The following VTI1A variants were observed in gnomAD, a reference collection of about 807,000 sequenced individuals.
VTI1A encodes the protein vesicle transport through interaction with t-SNAREs homolog 1A.
In VTI1A, 22 loss-of-function variants were observed where a neutral mutation model predicts 34.9. The observed-to-expected ratio is 0.63, with a 90% CI of 0.45 to 0.90. The LOEUF is 0.90. Ranked by LOEUF, VTI1A falls within the 40% of genes least tolerant of loss-of-function variation. The pLI, the probability that VTI1A is intolerant of heterozygous loss-of-function variation, is 0.00. For missense variants in VTI1A, 268 were observed against 275.6 expected (o/e 0.97, Z 0.20); for synonymous variants, 87 against 97.3 (o/e 0.89, Z 0.62).
chr10:112,646,129 T>C (rs1040386850), intron 5 of VTI1A, among the ~76,000 whole-genome samples: 1 of 152,136 alleles, frequency 6.6e-6, no homozygotes, highest in Non-Finnish European at 1.5e-5. Context: ...CAAATTTTGC[T>C]AGAAATACAA....
chr10:112,469,739 T>G (rs1358248890), intron 3 of VTI1A, among the ~76,000 whole-genome samples: 1 of 152,226 alleles, frequency 6.6e-6, no homozygotes, highest in African/African-American at 2.4e-5. Context: ...TACTCCCCAG[T>G]AGCTGTTCTC....
At chr10:112,768,543 C>T (rs1398896281) in intron 7 of VTI1A, among the ~76,000 whole-genome samples, 1 of 152,096 alleles carries the variant, frequency 6.6e-6, no homozygotes, top group Non-Finnish European at 1.5e-5. Flanking sequence ...ATGTTTCCAC[C>T]CTCAACCTCT....
chr10:112,697,699 T>G (rs981848309), intron 7 of VTI1A, among the ~76,000 whole-genome samples: 2 of 152,080 alleles, frequency 1.3e-5, no homozygotes, highest in African/African-American at 4.8e-5. Flanking sequence ...CCCAGCCTTG[T>G]TCTTGGTATT....
chr10:112,499,809 G>A (rs562251567), intron 3 of VTI1A, among the ~76,000 whole-genome samples: 11 of 152,124 alleles, frequency 7.2e-5, no homozygotes, highest in Middle Eastern at 3.4e-3. Flanking sequence ...CCCCCACTAC[G>A]TCTCATGGAT....
At chr10:112,727,192 A>C (rs896166808) in intron 7 of VTI1A, among the ~76,000 whole-genome samples, 4 of 152,134 alleles carry the variant, frequency 2.6e-5, no homozygotes, top group Non-Finnish European at 5.9e-5. Flanking sequence ...CAAAGCACAA[A>C]CTGGTCCTTC....
At chr10:112,705,270 A>G (rs1849155927) in intron 7 of VTI1A, among the ~76,000 whole-genome samples, 1 of 152,070 alleles carries the variant, frequency 6.6e-6, no homozygotes, top group South Asian at 2.1e-4. Flanking sequence ...AGCTAACTTA[A>G]GCAGAAAGAG....
At chr10:112,810,401 CA>C (rs55966805) in intron 7 of VTI1A, among the ~76,000 whole-genome samples, 5,823 of 89,372 alleles carry the variant, frequency 0.065, 231 homozygotes, top group Admixed American at 0.21. Context: ...GACTCCATCT[CA>C]AAAAAAAAAA....
intron 7 of VTI1A, among the ~76,000 whole-genome samples, chr10:112,787,661 G>A (rs1193358292): frequency 6.7e-6 from 1 of 148,794 alleles, no homozygotes. Context: ...TAATACTTAG[G>A]ACTTACCAAA....
chr10:112,479,417 C>G (rs1848390873), intron 3 of VTI1A, among the ~76,000 whole-genome samples: 1 of 152,192 alleles, frequency 6.6e-6, no homozygotes, highest in Non-Finnish European at 1.5e-5. Context: ...GGGAGGGGTT[C>G]TCTCTGGAAG....
chr10:112,781,040 G>A (rs1343554007), intron 7 of VTI1A, among the ~76,000 whole-genome samples: 2 of 152,080 alleles, frequency 1.3e-5, no homozygotes, highest in Admixed American at 1.3e-4. Flanking sequence ...CGCCTCCCAG[G>A]TTTAAGCAAT....
intron 5 of VTI1A, among the ~76,000 whole-genome samples, chr10:112,658,919 A>G (rs1387262271): frequency 1.3e-5 from 2 of 152,258 alleles, no homozygotes; most frequent in Admixed American, 6.5e-5. Context: ...CATAAAAGCA[A>G]AAGATGTTTG....
intron 5 of VTI1A, among the ~76,000 whole-genome samples, chr10:112,641,338 T>C (rs1846564086): frequency 6.6e-6 from 1 of 152,060 alleles, no homozygotes. Flanking sequence ...TTGCTGTTGA[T>C]AAAGGAAAAA....
At chr10:112,669,044 A>G in intron 7 of VTI1A, 46 bp downstream of exon 7, 1 of 1,601,816 alleles carries the variant, frequency 6.2e-7, no homozygotes, top group Non-Finnish European at 8.5e-7. Flanking sequence ...GTGTTTTTTT[A>G]AAATACTATG....
chr10:112,739,205 G>A (rs769617043), intron 7 of VTI1A, among the ~76,000 whole-genome samples: 18 of 152,208 alleles, frequency 1.2e-4, no homozygotes, highest in Admixed American at 5.2e-4. Context: ...ACTTCCTCCC[G>A]CCTTATCGAA....
chr10:112,752,549 C>A (rs2133994177), intron 7 of VTI1A: 1 of 985,402 alleles, frequency 1.0e-6, no homozygotes, highest in Admixed American at 6.1e-5. Flanking sequence ...GATTCTCCTT[C>A]AGGGGGAACA....
At chr10:112,682,673 G>A (rs1848256590) in intron 7 of VTI1A, among the ~76,000 whole-genome samples, 1 of 152,212 alleles carries the variant, frequency 6.6e-6, no homozygotes. Flanking sequence ...GGGGCGACTG[G>A]ATCCAGACTA....
intron 1 of VTI1A, among the ~76,000 whole-genome samples, chr10:112,459,696 G>A (rs768122490): frequency 2.0e-5 from 3 of 152,182 alleles, no homozygotes; most frequent in Non-Finnish European, 4.4e-5. Flanking sequence ...CTTAACTAGG[G>A]TATGTGAACA....
intron 3 of VTI1A, among the ~76,000 whole-genome samples, chr10:112,521,889 C>G (rs182085551): frequency 5.5e-4 from 83 of 151,966 alleles, no homozygotes; most frequent in African/African-American, 1.9e-3. Flanking sequence ...GATTGATGAG[C>G]CTTTTTGAGT....
intron 5 of VTI1A, among the ~76,000 whole-genome samples, chr10:112,659,748 C>T (rs1311201712): frequency 1.3e-5 from 2 of 152,186 alleles, no homozygotes; most frequent in Non-Finnish European, 2.9e-5. Context: ...TGCATAGGCC[C>T]TGCATGGTCT....
Sources: allele counts gnomAD v4.1 joint callset (sites outside exome capture counted in the v4.1 genomes callset), GRCh38; gene constraint gnomAD v4.1.1; transcripts MANE v1.5; gene names NCBI Gene and HGNC (gene_info 2026-07-23, HGNC 2026-07-21).